NEK6: variants seen among roughly 807,000 people sequenced by gnomAD.
The protein encoded by NEK6 is NIMA related kinase 6, also known as serine/threonine-protein kinase Nek6.
In NEK6, 27 loss-of-function variants were observed where a neutral mutation model predicts 43.5. The observed-to-expected ratio is 0.62, with a 90% CI of 0.46 to 0.86. The LOEUF is 0.86. Ranked by LOEUF, NEK6 falls within the 40% of genes least tolerant of loss-of-function variation. The pLI, the probability that NEK6 is intolerant of heterozygous loss-of-function variation, is 0.00. For missense variants in NEK6, 318 were observed against 414.4 expected, an observed-to-expected ratio of 0.77 and a Z score of 2.02; for synonymous variants, 167 against 164.1, an observed-to-expected ratio of 1.02 and a Z score of -0.14.
chr9:124,289,551 C>G (rs566482509), intron 1 of NEK6, among the ~76,000 whole-genome samples: 7 of 152,122 alleles, frequency 4.6e-5, no homozygotes, highest in Admixed American at 1.3e-4. Flanking sequence ...AGCCACAGCC[C>G]CACGTCACTA....
chr9:124,352,792 C>T lies in NEK6; in HGVS notation c.*1845C>T, dbSNP rs541859989. The T allele has an allele frequency of 1.3e-5, 2 of 152,362 alleles. No individual in the cohort carries two copies. Among genetic ancestry groups the T allele is most frequent in the Admixed American group, 1.3e-4 (2 of 15,278 alleles). The allele number at this position is 152,362 out of a possible 1,614,324, so 9.4% of individuals were successfully genotyped here. On this transcript the variant is annotated 3_prime_UTR_variant, in exon 10 of 10. Transcript: ENST00000320246. ...TGATTCCAGACCAACTTTTTGCCAA[C>T]ATTCTGCTTCCAGCTCTCTGAGCCC...
At chr9:124,337,510 C>T (rs1829356125) in intron 7 of NEK6, among the ~76,000 whole-genome samples, 1 of 152,166 alleles carries the variant, frequency 6.6e-6, no homozygotes, top group Non-Finnish European at 1.5e-5. Flanking sequence ...AAATGAAATA[C>T]AATAATGTGC....
At chr9:124,347,565 A>T (rs1455833160) in intron 8 of NEK6, 144 bp from the exon 9 acceptor site, 1 of 537,738 alleles carries the variant, frequency 1.9e-6, no homozygotes, top group Non-Finnish European at 3.3e-6. Flanking sequence ...ATGCTCGGTG[A>T]TTCGGGGGAG....
chr9:124,337,027 G>T (rs1829333617), intron 7 of NEK6, among the ~76,000 whole-genome samples: 1 of 151,124 alleles, frequency 6.6e-6, no homozygotes, highest in South Asian at 2.1e-4. Flanking sequence ...CCGGGCCTAT[G>T]CCTCCAGAAT....
chr9:124,260,326 C>T (rs957444755), intron 1 of NEK6, among the ~76,000 whole-genome samples: 1 of 152,208 alleles, frequency 6.6e-6, no homozygotes, highest in Non-Finnish European at 1.5e-5. Flanking sequence ...AACTGAGGTT[C>T]AGAGACATGA....
intron 1 of NEK6, chr9:124,292,890 G>C (rs1221951860): frequency 2.0e-6 from 3 of 1,480,520 alleles, no homozygotes; most frequent in Non-Finnish European, 1.8e-6. Flanking sequence ...GGGGGAGCAG[G>C]CTGTGGAGCT....
rs1032551926 is a variant in NEK6, at chr9:124,352,763, T to C, written c.*1816T>C. ...TGCCTAGTGCTTACCACTGAAGATT[T>C]TTCTGATTCCAGACCAACTTTTTGC... On this transcript the variant is annotated 3_prime_UTR_variant, in exon 10 of 10. Coordinates refer to ENST00000320246, the MANE Select transcript of NEK6 (RefSeq NM_014397.6). 2.0e-5 allele frequency: 3 copies of C among 152,274 alleles called. No homozygotes were observed. Among genetic ancestry groups the C allele is most frequent in the Non-Finnish European group, 4.4e-5 (3 of 68,104 alleles). 9.4% of individuals were successfully genotyped at this position (152,274 alleles called of 1,614,324 possible). A position where few individuals can be genotyped will look rare whatever the true frequency, so the allele number is the denominator to read the frequency against.
At position 124,312,710 on chromosome 9, in the gene NEK6, G is replaced by A. The variant is rs533729844; in HGVS notation, c.231+61G>A. On this transcript the variant is annotated intron_variant, in intron 3 of 9. Coordinates refer to ENST00000320246, the MANE Select transcript of NEK6 (RefSeq NM_014397.6). ...CGGGAGGTGGTCTCTGCATCTGGACGGGGTGCCCGGGCCAGTCCCTTCTCT... is the reference window on the plus strand; with the variant it reads ...CGGGAGGTGGTCTCTGCATCTGGACAGGGTGCCCGGGCCAGTCCCTTCTCT... 6.0e-5 allele frequency: 92 copies of A among 1,544,192 alleles called. 1 individual carries two copies. Among genetic ancestry groups the A allele is most frequent in the South Asian group, 1.5e-4 (13 of 84,080 alleles).
intron 7 of NEK6, among the ~76,000 whole-genome samples, chr9:124,332,178 C>T (rs1286509444): frequency 6.6e-6 from 1 of 152,242 alleles, no homozygotes; most frequent in Non-Finnish European, 1.5e-5. Flanking sequence ...TTCATTCATT[C>T]GTTCATCCAT....
chr9:124,258,172 G>A, intron 1 of NEK6, 87 bp downstream of exon 1: 22 of 976,502 alleles, frequency 2.3e-5, no homozygotes, highest in Non-Finnish European at 2.7e-5. Flanking sequence ...GTCACCCCCA[G>A]CCGGGCCGAG....
intron 7 of NEK6, among the ~76,000 whole-genome samples, chr9:124,339,019 ATTTTTTTT>A (rs538411121): frequency 3.2e-5 from 2 of 61,784 alleles, no homozygotes; most frequent in Non-Finnish European, 2.9e-5. Flanking sequence ...CCCCATCCTG[ATTTTTTTT>A]TTTTTTTTTT....
intron 1 of NEK6, among the ~76,000 whole-genome samples, chr9:124,260,577 A>G (rs985457534): frequency 1.3e-5 from 2 of 152,022 alleles, no homozygotes; most frequent in Non-Finnish European, 2.9e-5. Context: ...TTGTATTTTT[A>G]GTAGAGATGG....
intron 2 of NEK6, among the ~76,000 whole-genome samples, chr9:124,305,136 C>G (rs907530397): frequency 6.6e-6 from 1 of 152,222 alleles, no homozygotes; most frequent in African/African-American, 2.4e-5. Flanking sequence ...GAGAGAACTT[C>G]GCAGGGGATT....
At chr9:124,259,281 T>G (rs1046916655) in intron 1 of NEK6, 2 of 152,216 alleles carry the variant, frequency 1.3e-5, no homozygotes, top group Non-Finnish European at 2.9e-5. Context: ...CAGCTTGCCT[T>G]TTTTGGGGGA....
intron 2 of NEK6, 89 bp downstream of exon 2, chr9:124,302,143 G>A (rs1297457072): frequency 3.1e-6 from 3 of 960,826 alleles, no homozygotes; most frequent in Admixed American, 5.5e-5. Flanking sequence ...TCCTACTGGT[G>A]GAAACCCTTC....
chr9:124,350,329 G>A (rs976318904), intron 9 of NEK6, among the ~76,000 whole-genome samples: 2 of 151,634 alleles, frequency 1.3e-5, no homozygotes, highest in Admixed American at 6.6e-5. Flanking sequence ...CCTCGGGGCG[G>A]GAGCAGCCTT....
intron 7 of NEK6, 129 bp from the exon 8 acceptor site, chr9:124,339,442 G>A (rs1829473001): frequency 2.8e-6 from 2 of 714,758 alleles, no homozygotes; most frequent in South Asian, 3.1e-5. Context: ...CAGAGAGGGA[G>A]AAGGGCTGCT....
At chr9:124,278,399 C>T (rs1588449116) in intron 1 of NEK6, among the ~76,000 whole-genome samples, 2 of 152,284 alleles carry the variant, frequency 1.3e-5, no homozygotes, top group South Asian at 4.1e-4. Flanking sequence ...CCTAGGTGAG[C>T]AGTAGTGTCC....
intron 1 of NEK6, among the ~76,000 whole-genome samples, chr9:124,279,426 C>T (rs564981472): frequency 7.2e-5 from 11 of 152,092 alleles, no homozygotes; most frequent in Admixed American, 1.3e-4. Flanking sequence ...CTCAGCCACC[C>T]GAGTAGCTGG....
Sources: allele counts gnomAD v4.1 joint callset (sites outside exome capture counted in the v4.1 genomes callset), GRCh38; gene constraint gnomAD v4.1.1; transcripts MANE v1.5; gene names NCBI Gene and HGNC (gene_info 2026-07-23, HGNC 2026-07-21).